Variants in CPXM2 observed in about 807,000 individuals in gnomAD.
CPXM2 encodes the protein carboxypeptidase X, M14 family member 2, also known as inactive carboxypeptidase-like protein X2.
Under a neutral mutation model 86.1 loss-of-function variants are expected in CPXM2, and 66 were observed. The ratio of observed to expected loss-of-function variants is 0.77; its 90% CI spans 0.63 to 0.94. The LOEUF is 0.94. Among genes scored for constraint, CPXM2 ranks in the 40% least tolerant of loss-of-function variants. The pLI is 0.00. For missense variants in CPXM2, 948 were observed against 1,026.3 expected (o/e 0.92, Z 1.04); for synonymous variants, 388 against 400.2 (o/e 0.97, Z 0.36).
At chr10:123,914,913 C>T (rs962557680) in intron 2 of CPXM2, among the ~76,000 whole-genome samples, 3 of 152,170 alleles carry the variant, frequency 2.0e-5, no homozygotes, top group South Asian at 2.1e-4. Context: ...TTGTTCTCCA[C>T]GCAGCAGCCA....
At chr10:123,750,475 T>C (rs910081573) in intron 13 of CPXM2, 5 of 985,344 alleles carry the variant, frequency 5.1e-6, no homozygotes, top group Non-Finnish European at 6.0e-6. Flanking sequence ...AAGGCCAGCC[T>C]GTGTATGTCC....
chr10:123,846,089 A>C (rs1914534), intron 3 of CPXM2, among the ~76,000 whole-genome samples: 44,507 of 152,082 alleles, frequency 0.29, 6,876 homozygotes, highest in Middle Eastern at 0.43. Flanking sequence ...CAGTCCCCAA[A>C]CTTTCTGGCA....
chr10:123,840,881 T>A (rs1848373041), intron 4 of CPXM2, among the ~76,000 whole-genome samples: 2 of 152,254 alleles, frequency 1.3e-5, no homozygotes, highest in Admixed American at 6.5e-5. Context: ...TCCCACTTTA[T>A]TTATTAATGT....
intron 6 of CPXM2, among the ~76,000 whole-genome samples, chr10:123,792,601 G>T (rs1169038396): frequency 1.1e-4 from 16 of 152,212 alleles, no homozygotes; most frequent in Admixed American, 1.0e-3. Context: ...TCCCCAGGGA[G>T]AGCACAGTTC....
intron 10 of CPXM2, among the ~76,000 whole-genome samples, chr10:123,766,241 T>C (rs1846469823): frequency 6.6e-6 from 1 of 152,210 alleles, no homozygotes; most frequent in Non-Finnish European, 1.5e-5. Flanking sequence ...GGGTTCCTGA[T>C]GATTACCAGG....
chr10:123,928,757 T>C (rs1234236866), intron 2 of CPXM2, among the ~76,000 whole-genome samples: 1 of 152,246 alleles, frequency 6.6e-6, no homozygotes, highest in African/African-American at 2.4e-5. Context: ...AGCCTTCAGA[T>C]GACTCCATCC....
intron 2 of CPXM2, among the ~76,000 whole-genome samples, chr10:123,864,411 T>C (rs974653701): frequency 1.9e-4 from 29 of 152,230 alleles, no homozygotes; most frequent in Non-Finnish European, 5.9e-5. Context: ...CAGACCCTGA[T>C]GGGGAACCAG....
At position 123,767,047 on chromosome 10, in the gene CPXM2, G is replaced by C. The variant is rs138440648; in HGVS notation, c.1405C>G (p.Arg469Gly). ...LNTLLWEAEDRQNVPRKVPNH... is the reference protein window; with the variant it reads ...LNTLLWEAEDGQNVPRKVPNH... Reference sequence around the variant, plus strand: ...GGAACTTTCCTGGGGACATTCTGTCGATCCTCTGCCTCCCAGAGCAGCGTG... The same window carrying C: ...GGAACTTTCCTGGGGACATTCTGTCCATCCTCTGCCTCCCAGAGCAGCGTG... Residue 469 changes from arginine to glycine, a missense_variant, in exon 10 of 14, where the codon CGA (arginine) becomes GGA (glycine). Coordinates refer to ENST00000241305, the MANE Select transcript of CPXM2 (RefSeq NM_198148.3). The C allele has an allele frequency of 1.7e-5, 28 of 1,613,966 alleles. No homozygotes were observed. The highest frequency in any genetic ancestry group is 2.3e-5 in the Non-Finnish European group (27 of 1,179,978).
intron 2 of CPXM2, among the ~76,000 whole-genome samples, chr10:123,897,030 G>A (rs549753400): frequency 1.8e-3 from 278 of 152,084 alleles, no homozygotes; most frequent in African/African-American, 6.2e-3. Context: ...AGGGCTCTGG[G>A]TATTTCATCC....
intron 1 of CPXM2, among the ~76,000 whole-genome samples, chr10:123,881,012 G>T (rs1275464620): frequency 6.6e-6 from 1 of 151,412 alleles, no homozygotes; most frequent in Non-Finnish European, 1.5e-5. Context: ...CCAGGCCCTG[G>T]CTTGGTACCT....
Position 123,745,937 on chromosome 10 carries a change from C to T in CPXM2, c.*827G>A, listed in dbSNP as rs9060. ...GGGCTTCAGGCCACCCCACTTCTGG[C>T]TCTTTCCAGTCCTAGCAGGTAAAAG... On this transcript the variant is annotated 3_prime_UTR_variant, in exon 14 of 14. Transcript: ENST00000241305. The T allele has an allele frequency of 0.35, 52,611 of 151,622 alleles. 10,133 individuals are homozygous for T. The highest frequency in any genetic ancestry group is 0.52 in the African/African-American group (21,265 of 41,268). The allele number at this position is 151,622 out of a possible 1,614,324, so 9.4% of individuals were successfully genotyped here. A position where few individuals can be genotyped will look rare whatever the true frequency, so the allele number is the denominator to read the frequency against.
At position 123,754,898 on chromosome 10, in the gene CPXM2, G is replaced by A; in HGVS notation, c.1918-136C>T. The stretch of plus-strand genomic sequence containing the variant: ...ACACAGCACCACGTCTTGCTCAGAA[G>A]GCTTGGAACCGAAAAGCAGTTCATT... On this transcript the variant is annotated intron_variant, in intron 12 of 13. Transcript: ENST00000241305. The surrounding 1 kb of genome is among the most constrained non-coding windows in gnomAD (Gnocchi z 4.0). 1.5e-6 allele frequency: 1 copy of A among 652,546 alleles called. No individual in the cohort carries two copies. The highest frequency in any genetic ancestry group is 1.8e-5 in the South Asian group (1 of 55,006). The allele number at this position is 652,546 out of a possible 1,614,324, so 40.4% of individuals were successfully genotyped here. A position where few individuals can be genotyped will look rare whatever the true frequency, so the allele number is the denominator to read the frequency against.
chr10:123,835,553 A>G (rs1848260634), intron 4 of CPXM2, among the ~76,000 whole-genome samples: 1 of 152,194 alleles, frequency 6.6e-6, no homozygotes, highest in Non-Finnish European at 1.5e-5. Flanking sequence ...TATGGTTCAG[A>G]AACTGACAGT....
intron 2 of CPXM2, among the ~76,000 whole-genome samples, chr10:123,930,379 C>T (rs139357854): frequency 1.3e-5 from 2 of 152,354 alleles, no homozygotes; most frequent in Non-Finnish European, 2.9e-5. Flanking sequence ...TGTGCTGCTT[C>T]CAGCAGCCCC....
At chr10:123,749,999 T>A (rs1002963640) in intron 13 of CPXM2, 9 of 350,572 alleles carry the variant, frequency 2.6e-5, no homozygotes, top group African/African-American at 2.3e-5. Context: ...TTTTTTTTTT[T>A]AGTAGAGATG....
chr10:123,868,390 C>A (rs535723108), intron 2 of CPXM2, among the ~76,000 whole-genome samples: 3 of 152,146 alleles, frequency 2.0e-5, no homozygotes, highest in African/African-American at 4.8e-5. Context: ...ATGAATGAAC[C>A]GGCGTCCAGG....
chr10:123,922,251 C>T (rs1945584721), intron 2 of CPXM2, among the ~76,000 whole-genome samples: 1 of 33,368 alleles, frequency 3.0e-5, no homozygotes, highest in Admixed American at 4.1e-4. Flanking sequence ...ATCATCCTAC[C>T]CATTTTGGAA....
chr10:123,854,816 CTG>C (rs1475454061), intron 3 of CPXM2, among the ~76,000 whole-genome samples: 2 of 151,950 alleles, frequency 1.3e-5, no homozygotes, highest in Middle Eastern at 3.4e-3. Flanking sequence ...GTAGGTCATT[CTG>C]TGTTAGTGCT....
intron 2 of CPXM2, among the ~76,000 whole-genome samples, chr10:123,879,513 A>AG (rs1945046929): frequency 6.6e-6 from 1 of 152,166 alleles, no homozygotes; most frequent in Non-Finnish European, 1.5e-5. Context: ...GGGGGGCACT[A>AG]GGGGATGCCA....
Sources: allele counts gnomAD v4.1 joint callset (sites outside exome capture counted in the v4.1 genomes callset), GRCh38; gene constraint gnomAD v4.1.1; non-coding constraint Gnocchi (gnomAD v3.1); transcripts MANE v1.5; gene names NCBI Gene and HGNC (gene_info 2026-07-23, HGNC 2026-07-21).